SEMA3D: variants seen among roughly 807,000 people sequenced by gnomAD.
SEMA3D encodes the protein semaphorin-3D.
In SEMA3D, 84 loss-of-function variants were observed where a neutral mutation model predicts 100.1. That is an observed-to-expected ratio of 0.84 (90% CI 0.70 to 1.01). The LOEUF is 1.01. SEMA3D is among the 50% of genes least tolerant of loss of function. The pLI is 0.00. For synonymous variants in SEMA3D, 312 were observed against 320.7 expected (o/e 0.97, Z 0.29); for missense variants, 875 against 934.1 (o/e 0.94, Z 0.82).
intron 2 of SEMA3D, among the ~76,000 whole-genome samples, chr7:85,146,560 A>AAC (rs1554348160): frequency 1.3e-5 from 2 of 151,032 alleles, no homozygotes; most frequent in Non-Finnish European, 3.0e-5. Flanking sequence ...TCTAAAAAAA[A>AAC]ATATATATAT....
intron 1 of SEMA3D, among the ~76,000 whole-genome samples, chr7:85,172,538 G>A (rs755022644): frequency 6.6e-6 from 1 of 151,940 alleles, no homozygotes; most frequent in Non-Finnish European, 1.5e-5. Flanking sequence ...ATGGAACAAA[G>A]ATGTACTTTG....
At chr7:85,128,100 T>C (rs1445983657) in intron 2 of SEMA3D, among the ~76,000 whole-genome samples, 1 of 151,848 alleles carries the variant, frequency 6.6e-6, no homozygotes, top group East Asian at 1.9e-4. Flanking sequence ...GGAAAATTAT[T>C]ATATTTTCTT....
At chr7:85,104,632 T>A (rs1489859096) in intron 3 of SEMA3D, among the ~76,000 whole-genome samples, 2 of 152,012 alleles carry the variant, frequency 1.3e-5, no homozygotes, top group Non-Finnish European at 2.9e-5. Context: ...TTGAATCTAA[T>A]AAATTTAGGA....
intron 3 of SEMA3D, among the ~76,000 whole-genome samples, chr7:85,117,740 T>G (rs1789283664): frequency 6.6e-6 from 1 of 151,850 alleles, no homozygotes; most frequent in Admixed American, 6.6e-5. Context: ...GCCACTGTAC[T>G]TGAGCGTGGG....
At chr7:85,100,164 A>T (rs1425805441) in intron 3 of SEMA3D, among the ~76,000 whole-genome samples, 1 of 152,012 alleles carries the variant, frequency 6.6e-6, no homozygotes, top group Non-Finnish European at 1.5e-5. Context: ...TAATGCTAGA[A>T]TAGACCTTGA....
At chr7:85,066,945 G>GAGAGAGAGAGAGAGAGA (rs1390204985) in intron 7 of SEMA3D, among the ~76,000 whole-genome samples, 3 of 149,856 alleles carry the variant, frequency 2.0e-5, no homozygotes, top group Non-Finnish European at 4.4e-5. Context: ...GAGAGAGAGA[G>GAGAGAGAGAGAGAGAGA]AACTCCAGCT....
chr7:85,074,680 G>A (rs1273247716), intron 5 of SEMA3D, among the ~76,000 whole-genome samples: 2 of 150,846 alleles, frequency 1.3e-5, no homozygotes, highest in African/African-American at 2.4e-5. Flanking sequence ...GTAGTGGTGC[G>A]ATCTTGGCTC....
rs1349906413 is a variant in SEMA3D at position 85,141,416 on chromosome 7, G to T, written c.-41+12192C>A. The T allele has an allele frequency of 6.1e-6, 6 of 984,080 alleles. No individual in the cohort carries two copies. In the East Asian group the frequency reaches 5.7e-4, roughly 93 times the overall value. 61.0% of individuals were successfully genotyped at this position (984,080 alleles called of 1,614,324 possible). On this transcript the variant is annotated intron_variant, in intron 2 of 18. Coordinates refer to ENST00000284136, the MANE Select transcript of SEMA3D (RefSeq NM_001384900.1). ...AGAGAAAATTAATCATTGTACTATT[G>T]GGGATTCTGTGCTAATATTTAAAAA...
chr7:85,165,510 C>T (rs1045836732), intron 1 of SEMA3D, among the ~76,000 whole-genome samples: 1 of 152,086 alleles, frequency 6.6e-6, no homozygotes, highest in Non-Finnish European at 1.5e-5. Flanking sequence ...TGTGTTTACA[C>T]TGGATTCTGC....
At chr7:85,000,599 T>C (rs1789629628) in intron 18 of SEMA3D, among the ~76,000 whole-genome samples, 2 of 152,208 alleles carry the variant, frequency 1.3e-5, no homozygotes, top group Admixed American at 1.3e-4. Context: ...TACTTTATAC[T>C]GTCATTTGTG....
intron 2 of SEMA3D, among the ~76,000 whole-genome samples, chr7:85,144,948 C>T (rs1266418534): frequency 6.6e-6 from 1 of 152,074 alleles, no homozygotes; most frequent in Non-Finnish European, 1.5e-5. Context: ...ATGATATACA[C>T]AATTCTAGCT....
At chr7:85,168,578 G>T (rs1252767204) in intron 1 of SEMA3D, among the ~76,000 whole-genome samples, 2 of 148,670 alleles carry the variant, frequency 1.3e-5, no homozygotes, top group Non-Finnish European at 3.0e-5. Flanking sequence ...ACTACAACTA[G>T]TGTCTCAGAT....
At chr7:85,177,440 GAAAA>G (rs944037916) in intron 1 of SEMA3D, among the ~76,000 whole-genome samples, 3 of 151,842 alleles carry the variant, frequency 2.0e-5, no homozygotes, top group African/African-American at 7.3e-5. Context: ...GATTGAAAGA[GAAAA>G]AAAGAGTAAG....
At chr7:85,003,320 A>C (rs1279512800) in intron 18 of SEMA3D, among the ~76,000 whole-genome samples, 1 of 152,126 alleles carries the variant, frequency 6.6e-6, no homozygotes, top group Non-Finnish European at 1.5e-5. Context: ...GGGATGCTGG[A>C]GCAATGAGCT....
chr7:85,160,199 C>T (rs889927466), intron 1 of SEMA3D, among the ~76,000 whole-genome samples: 19 of 146,386 alleles, frequency 1.3e-4, no homozygotes, highest in Non-Finnish European at 1.2e-4. Flanking sequence ...CAAGTAAATA[C>T]GTGTTTTTTT....
intron 2 of SEMA3D, chr7:85,142,673 C>T: frequency 5.9e-6 from 4 of 675,884 alleles, no homozygotes; most frequent in Non-Finnish European, 6.9e-6. Context: ...AGAAGGATGG[C>T]ATTTTTTTTT....
At chr7:85,023,899 A>T (rs1213498915) in intron 12 of SEMA3D, among the ~76,000 whole-genome samples, 1 of 151,910 alleles carries the variant, frequency 6.6e-6, no homozygotes, top group Non-Finnish European at 1.5e-5. Flanking sequence ...TTTAACAAAA[A>T]TTTTCAATGT....
chr7:85,092,897 A>C (rs1583914735), intron 4 of SEMA3D, among the ~76,000 whole-genome samples: 1 of 152,186 alleles, frequency 6.6e-6, no homozygotes, highest in East Asian at 1.9e-4. Flanking sequence ...AAGCAAAATA[A>C]TTATTTATGA....
At chr7:85,228,507 A>T in the SEMA3D span, among the ~76,000 whole-genome samples, 1 of 152,130 alleles carries the variant, frequency 6.6e-6, no homozygotes, top group Non-Finnish European at 1.5e-5. Context: ...ATTTACTTCC[A>T]ATGTCAGATC....
Sources: gnomAD v4.1 joint callset for allele counts (sites outside exome capture counted in the v4.1 genomes callset) on GRCh38, gnomAD v4.1.1 for gene constraint, MANE v1.5 for transcripts, NCBI Gene and HGNC (gene_info 2026-07-23, HGNC 2026-07-21) for gene names.